Variants in SYNE2 observed in about 807,000 individuals in gnomAD.
SYNE2 encodes spectrin repeat containing nuclear envelope protein 2.
SYNE2 carries 431 observed loss-of-function variants against 856.3 expected under a neutral mutation model. That is an observed-to-expected ratio of 0.50 (90% CI 0.47 to 0.55). SYNE2 has a LOEUF of 0.55. Ranked by LOEUF, SYNE2 falls within the 20% of genes least tolerant of loss-of-function variation. The pLI, the probability that SYNE2 is intolerant of heterozygous loss-of-function variation, is 0.00. For synonymous variants in SYNE2, 2,923 were observed against 2,872.3 expected, an observed-to-expected ratio of 1.02 and a Z score of -0.56; for missense variants, 8,129 against 8,023.2, an observed-to-expected ratio of 1.01 and a Z score of -0.50.
At position 64,098,740 on chromosome 14, in the gene SYNE2, C is replaced by CT; in HGVS notation, c.12307-4dup. 6.2e-7 allele frequency: 1 copy of CT among 1,613,804 alleles called. No individual in the cohort carries two copies. The highest frequency in any genetic ancestry group is 2.2e-5 in the East Asian group (1 of 44,882). On this transcript the variant is annotated splice_polypyrimidine_tract_variant and splice_region_variant and intron_variant, in intron 62 of 115. Transcript: ENST00000555002. The stretch of plus-strand genomic sequence containing the variant: ...GACTGCAGGTATTCTTGTGCTGTGC[C>CT]TTTCAGTTGAACAGAAGAGGCTCCA...
chr14:63,852,902 G>A (rs972905072), upstream of SYNE2: 2 of 151,824 alleles, frequency 1.3e-5, no homozygotes, highest in African/African-American at 4.8e-5. Flanking sequence ...GCTCTACACT[G>A]GCCGCCGAGG....
rs759378392 is a variant in SYNE2, at chr14:63,978,986, C to T, written c.1541C>T (p.Ser514Phe). Residue 514 changes from serine (S) to phenylalanine (F), a missense_variant, in exon 14 of 116, where the codon TCT (serine) becomes TTT (phenylalanine). By Grantham distance (155) the Ser-to-Phe change is radical (BLOSUM62 -2). Transcript: ENST00000555002. ...IWNIKYGSRE[S>F]VELLLEDWHK... ...AACATTAAATATGGGAGCAGAGAAT[C>T]TGTGGAATTATTGCTGGAAGACTGG... is the stretch of plus-strand genomic sequence containing the variant. 3 of 1,613,724 alleles carry T rather than the reference C, an allele frequency of 1.9e-6. No individual in the cohort carries two copies. The highest frequency in any genetic ancestry group is 2.5e-6 in the Non-Finnish European group (3 of 1,179,882).
rs1425298632 is a variant in SYNE2 at position 64,001,934 on chromosome 14, A to C, written c.3639A>C (p.Arg1213Ser). 1 of 1,613,964 alleles carries C rather than the reference A, an allele frequency of 6.2e-7. No individual in the cohort carries two copies. Among genetic ancestry groups the C allele is most frequent in the East Asian group, 2.2e-5 (1 of 44,894 alleles). ...ERELQMTLNT[R>S]MESLETALRL... ...CATGTCTGATTTACCTTGCACCCAG[A>C]ATGGAATCTTTAGAGACAGCACTGC... is the stretch of plus-strand genomic sequence containing the variant. Residue 1213 changes from arginine (R) to serine (S), a missense_variant and splice_region_variant, in exon 29 of 116, where the codon AGA becomes AGC. By Grantham distance (110) the Arg-to-Ser change is moderately radical (BLOSUM62 -1). Around this residue, in one of 3 missense-constraint regions of SYNE2, gnomAD observed 2,422 missense variants for 2,357.4 expected, o/e 1.03. Coordinates refer to ENST00000555002, the MANE Select transcript of SYNE2 (RefSeq NM_182914.3).
At chr14:63,992,171 A>G (rs1293860350) in intron 21 of SYNE2, among the ~76,000 whole-genome samples, 1 of 151,774 alleles carries the variant, frequency 6.6e-6, no homozygotes, top group African/African-American at 2.4e-5. Context: ...TTAAGAATGA[A>G]TGCTTGTTTT....
chr14:63,888,246 A>T (rs757287216), intron 1 of SYNE2, among the ~76,000 whole-genome samples: 2 of 152,172 alleles, frequency 1.3e-5, no homozygotes, highest in African/African-American at 4.8e-5. Context: ...TGATTCTACG[A>T]CATGGTATTG....
intron 7 of SYNE2, 95 bp downstream of exon 7, chr14:63,950,101 A>C: frequency 7.9e-7 from 1 of 1,272,914 alleles, no homozygotes; most frequent in Admixed American, 1.7e-5. Context: ...TTAACATGAA[A>C]ATTCTCACTA....
intron 100 of SYNE2, 127 bp downstream of exon 100, chr14:64,203,090 G>A (rs1333152302): frequency 4.9e-6 from 6 of 1,236,048 alleles, no homozygotes; most frequent in Non-Finnish European, 4.6e-6. Context: ...GCTTTTTCCA[G>A]AGAAAACTGA....
chr14:64,064,520 A>G (rs1479565192), intron 50 of SYNE2, among the ~76,000 whole-genome samples: 1 of 150,060 alleles, frequency 6.7e-6, no homozygotes, highest in Non-Finnish European at 1.5e-5. Context: ...AACCCAGATA[A>G]TGAGGGCTGT....
intron 1 of SYNE2, among the ~76,000 whole-genome samples, chr14:63,788,897 G>C (rs574884747): frequency 6.6e-6 from 1 of 152,310 alleles, no homozygotes; most frequent in South Asian, 2.1e-4. Context: ...GTATCAAAGA[G>C]ATATCTGCAC....
At chr14:63,936,521 T>TAGAAAGAACATTCCTAGA (rs2153408932) in intron 2 of SYNE2, among the ~76,000 whole-genome samples, 1 of 152,034 alleles carries the variant, frequency 6.6e-6, no homozygotes, top group East Asian at 1.9e-4. Context: ...TGGATAACAG[T>TAGAAAGAACATTCCTAGA]AGAAAGAACA....
rs34449017 is a variant in SYNE2, at chr14:63,991,029, C to G, written c.2560C>G (p.Gln854Glu). 3.7e-3 allele frequency: 6,006 copies of G among 1,614,082 alleles called. 14 individuals carry two copies. The highest frequency in any genetic ancestry group is 4.5e-3 in the Non-Finnish European group (5,348 of 1,179,994). The part of the protein sequence containing the change: ...LDIRLKMEES[Q>E]KELESYMMRA... ...CATCAGGCTGAAGATGGAAGAATCC[C>G]AGAAGGAACTTGAATCATATATGAT... The change falls in exon 21 of 116, where the codon CAG (glutamine) becomes GAG (glutamate). Residue 854 changes from glutamine to glutamate, a missense_variant. Coordinates refer to ENST00000555002, the MANE Select transcript of SYNE2 (RefSeq NM_182914.3).
intron 84 of SYNE2, among the ~76,000 whole-genome samples, chr14:64,148,832 A>G (rs2098212808): frequency 6.6e-6 from 1 of 152,102 alleles, no homozygotes. Context: ...CGTCTACCAG[A>G]TTGTGGGATT....
intron 1 of SYNE2, among the ~76,000 whole-genome samples, chr14:63,801,149 T>G (rs1888112744): frequency 6.6e-6 from 1 of 151,986 alleles, no homozygotes; most frequent in Admixed American, 6.6e-5. Context: ...GGGAGCACAG[T>G]GGGATTCTTG....
chr14:63,942,242 T>G lies in SYNE2; in HGVS notation c.408+99T>G, dbSNP rs1270582185. On this transcript the variant is annotated intron_variant, in intron 6 of 115. Transcript: ENST00000555002. ...AGTGGACTAGATTCAGTCCTGAGCT[T>G]CTCCTATAAATAGGACCTCTGAAAA... 3.9e-6 allele frequency: 3 copies of G among 779,136 alleles called. No individual in the cohort carries two copies. The African/African-American group carries it at 5.1e-5, about 13-fold the overall frequency. The allele number at this position is 779,136 out of a possible 1,614,324, so 48.3% of individuals were successfully genotyped here.
chr14:64,108,046 G>T (rs761747572), intron 65 of SYNE2, among the ~76,000 whole-genome samples: 3 of 152,078 alleles, frequency 2.0e-5, no homozygotes, highest in African/African-American at 7.2e-5. Flanking sequence ...CAAAATTCAG[G>T]GAGTAAAAAT....
At chr14:64,063,838 C>T (rs573214802) in intron 50 of SYNE2, among the ~76,000 whole-genome samples, 237 of 152,262 alleles carry the variant, frequency 1.6e-3, no homozygotes, top group African/African-American at 5.5e-3. Context: ...CCCCCTTTAT[C>T]CACAGGGGAT....
At chr14:64,127,848 A>T (rs902544051) in intron 73 of SYNE2, among the ~76,000 whole-genome samples, 1 of 152,230 alleles carries the variant, frequency 6.6e-6, no homozygotes, top group Non-Finnish European at 1.5e-5. Context: ...GCACACTGGG[A>T]GTGCAGTCTG....
chr14:64,147,808 A>G (rs1043456427), intron 84 of SYNE2, among the ~76,000 whole-genome samples: 1 of 152,208 alleles, frequency 6.6e-6, no homozygotes, highest in Non-Finnish European at 1.5e-5. Context: ...GGCAACCAGA[A>G]TCCTTGGAGT....
chr14:64,208,691 C>A, intron 100 of SYNE2, 67 bp from the exon 101 acceptor site: 2 of 1,541,312 alleles, frequency 1.3e-6, no homozygotes, highest in Non-Finnish European at 1.8e-6. Context: ...GAACGGAGGT[C>A]CTTTGATGCT....
Sources: gnomAD v4.1 joint callset for allele counts (sites outside exome capture counted in the v4.1 genomes callset) on GRCh38, gnomAD v4.1.1 for gene constraint, gnomAD v4.1.1 regional missense constraint, MANE v1.5 for transcripts, NCBI Gene and HGNC (gene_info 2026-07-23, HGNC 2026-07-21) for gene names.